The following MUC6 variants were observed in gnomAD, a reference collection of about 807,000 sequenced individuals.
The protein encoded by MUC6 is mucin 6, oligomeric mucus/gel-forming (gene/pseudogene), also known as mucin-6.
Under a neutral mutation model 201.5 loss-of-function variants are expected in MUC6, and 188 were observed. The ratio of observed to expected loss-of-function variants is 0.93; its 90% CI spans 0.83 to 1.05. The LOEUF is 1.05. Among genes scored for constraint, MUC6 ranks in the 50% least tolerant of loss-of-function variants. The pLI is 0.00. For missense variants in MUC6, 2,706 were observed against 3,256.9 expected (o/e 0.83, Z 4.12); for synonymous variants, 1,228 against 1,389.4 (o/e 0.88, Z 2.58).
intron 24 of MUC6, among the ~76,000 whole-genome samples, chr11:1,024,397 C>T (rs917692473): frequency 1.3e-5 from 2 of 152,240 alleles, no homozygotes; most frequent in African/African-American, 2.4e-5. Context: ...GCTCCCCCCA[C>T]GTCACGCTCA....
chr11:1,030,012 G>C (rs553837912), intron 8 of MUC6, among the ~76,000 whole-genome samples: 14 of 152,336 alleles, frequency 9.2e-5, no homozygotes, highest in African/African-American at 3.4e-4. Flanking sequence ...GGTTTGCAGG[G>C]GTGGCCGTGG....
chr11:1,015,625 G>T, intron 31 of MUC6, 137 bp downstream of exon 31: 1 of 1,380,070 alleles, frequency 7.2e-7, no homozygotes, highest in Non-Finnish European at 9.5e-7. Flanking sequence ...ACGCCTGGCA[G>T]GTGTGTAGGG....
At chr11:1,028,097 C>T in intron 14 of MUC6, 38 bp from the exon 15 acceptor site, 1 of 1,550,870 alleles carries the variant, frequency 6.4e-7, no homozygotes, top group South Asian at 1.2e-5. Flanking sequence ...CCCGGCCCCT[C>T]CCATTCCAGC....
rs1856761278 is a variant in MUC6 at position 1,019,497 on chromosome 11, C to T, written c.3809-1G>A. The T allele has an allele frequency of 6.2e-7, 1 of 1,612,812 alleles. No homozygotes were observed. The highest frequency in any genetic ancestry group is 1.1e-5 in the South Asian group (1 of 91,012). ...ACGGCCGTGGTTGGTCTAGGTGGTTCTGCAGAGGACAGCCGCCCGGAACAT... is the reference window on the plus strand; with the variant it reads ...ACGGCCGTGGTTGGTCTAGGTGGTTTTGCAGAGGACAGCCGCCCGGAACAT... On this transcript the variant is annotated splice_acceptor_variant, in intron 29 of 32. Coordinates refer to ENST00000421673, the MANE Select transcript of MUC6 (RefSeq NM_005961.3). LOFTEE classifies it high-confidence loss of function.
At position 1,020,083 on chromosome 11, in the gene MUC6, T is replaced by G; in HGVS notation, c.3808+7A>C. 4 of 1,613,108 alleles carry G rather than the reference T, an allele frequency of 2.5e-6. No homozygotes were observed. Among genetic ancestry groups the G allele is most frequent in the Non-Finnish European group, 3.4e-6 (4 of 1,179,722 alleles). On this transcript the variant is annotated splice_region_variant and intron_variant, in intron 29 of 32. Coordinates refer to ENST00000421673, the MANE Select transcript of MUC6 (RefSeq NM_005961.3). ...CCTCTCCATGGGCTCAGCTGGAGGC[T>G]CCTTACCTCCCGAGGAGGCTGTGGG...
Position 1,031,031 on chromosome 11 carries a change from A to G in MUC6, c.600T>C (p.Phe200=), listed in dbSNP as rs1384569109. 1 of 1,575,960 alleles carries G rather than the reference A, an allele frequency of 6.3e-7. No homozygotes were observed. The highest frequency in any genetic ancestry group is 1.2e-5 in the South Asian group (1 of 85,738). ...GGTCGTCCAGCTTCTGGAGGGCAGCAAACTTGTGGGGTTCCAGGAACTTGC... is the reference window on the plus strand; with the variant it reads ...GGTCGTCCAGCTTCTGGAGGGCAGCGAACTTGTGGGGTTCCAGGAACTTGC... The part of the protein sequence containing the change: ...EEGKFLEPHK[F]AALQKLDDPG... Residue 200 remains phenylalanine (F), a synonymous_variant, in exon 6 of 33, where the codon TTT becomes TTC. Coordinates refer to ENST00000421673, the MANE Select transcript of MUC6 (RefSeq NM_005961.3).
intron 9 of MUC6, 27 bp from the exon 10 acceptor site, chr11:1,029,393 A>T (rs975301375): frequency 1.9e-6 from 3 of 1,594,206 alleles, no homozygotes; most frequent in Non-Finnish European, 2.6e-6. Context: ...GGGTAGCGGC[A>T]TGGTGGGCAG....
chr11:1,027,452 A>T lies in MUC6; in HGVS notation c.2047T>A (p.Ser683Thr), dbSNP rs776890669. Residue 683 changes from serine (S) to threonine (T), a missense_variant, in exon 17 of 33, where the codon TCG becomes ACG. Ser to Thr is a moderately conservative substitution (Grantham distance 58). This residue lies in a region of MUC6 where 1,850 missense variants were observed against 1,958.3 expected (regional missense o/e 0.94). Coordinates refer to ENST00000421673, the MANE Select transcript of MUC6 (RefSeq NM_005961.3). ...NSQACERTCLSLSDRATECHH... is the reference protein window; with the variant it reads ...NSQACERTCLTLSDRATECHH... ...CACTCGGTGGCACGGTCCGACAGCG[A>T]CAGGCAGGTGCGCTCACAGGCTTGG... The T allele has an allele frequency of 6.2e-7, 1 of 1,612,750 alleles. No individual in the cohort carries two copies. The highest frequency in any genetic ancestry group is 8.5e-7 in the Non-Finnish European group (1 of 1,179,824).
chr11:1,030,366 T>TGGCCCCCCCCCCCCCCCCCCC, intron 7 of MUC6, 31 bp from the exon 8 acceptor site: 5 of 1,489,582 alleles, frequency 3.4e-6, no homozygotes, highest in East Asian at 5.1e-5. Context: ...GGTGAGAGGG[T>TGGCCCCCCCCCCCCCCCCCCC]CCCACCCCCC....
intron 32 of MUC6, 93 bp downstream of exon 32, chr11:1,013,806 A>G (rs1856535967): frequency 1.4e-6 from 2 of 1,421,818 alleles, no homozygotes; most frequent in South Asian, 2.4e-5. Context: ...CTGATGGGGC[A>G]GCAGGCGCCT....
At chr11:1,031,583 C>T in intron 4 of MUC6, 24 bp downstream of exon 4, 2 of 1,544,098 alleles carry the variant, frequency 1.3e-6, no homozygotes, top group Non-Finnish European at 1.7e-6. Flanking sequence ...GTCTCCAGGC[C>T]CACCCTGGCC....
intron 10 of MUC6, 28 bp from the exon 11 acceptor site, chr11:1,029,178 G>T (rs1181193553): frequency 1.9e-6 from 3 of 1,606,978 alleles, no homozygotes; most frequent in Admixed American, 1.7e-5. Flanking sequence ...TCAGACACGG[G>T]TGGGGTCACC....
chr11:1,036,077 G>A (rs1467154179), intron 1 of MUC6, among the ~76,000 whole-genome samples: 1 of 152,072 alleles, frequency 6.6e-6, no homozygotes, highest in African/African-American at 2.4e-5. Flanking sequence ...CGGCGGTTCT[G>A]AGCCCAGGAT....
At chr11:1,027,583 C>G in intron 16 of MUC6, 66 bp from the exon 17 acceptor site, 1 of 1,599,044 alleles carries the variant, frequency 6.3e-7, no homozygotes, top group South Asian at 1.1e-5. Context: ...TCGGGTTCCC[C>G]TGCCTGCCGG....
chr11:1,029,041 C>A lies in MUC6; in HGVS notation c.1380+5G>T. ...TGGCAGGGATGGGCGCAGGAAAGGC[C>A]TTACCTGCCTGGAGAGGTAGACCAC... On this transcript the variant is annotated splice_donor_5th_base_variant and intron_variant, in intron 11 of 32. Transcript: ENST00000421673. The A allele has an allele frequency of 2.5e-6, 4 of 1,612,866 alleles. No homozygotes were observed. The highest frequency in any genetic ancestry group is 3.4e-6 in the Non-Finnish European group (4 of 1,179,816).
intron 31 of MUC6, 87 bp downstream of exon 31, chr11:1,015,675 C>A: frequency 6.7e-7 from 1 of 1,485,092 alleles, no homozygotes; most frequent in East Asian, 2.3e-5. Flanking sequence ...ATCACAGGAC[C>A]ATGAGGGGTA....
At position 1,029,414 on chromosome 11, in the gene MUC6, G is replaced by A. The variant is rs1055183706; in HGVS notation, c.1137-48C>T. On this transcript the variant is annotated intron_variant, in intron 9 of 32. Transcript: ENST00000421673. ...CGGCATGGTGGGCAGGGCCGCTGGA[G>A]CCAGACAGCACACCCCTGCCTGCCC... 2.5e-6 allele frequency: 4 copies of A among 1,595,738 alleles called. No individual in the cohort carries two copies. The African/African-American group carries it at 5.4e-5, about 21-fold the overall frequency.
chr11:1,031,784 G>A, intron 3 of MUC6, 29 bp downstream of exon 3: 1 of 1,562,580 alleles, frequency 6.4e-7, no homozygotes, highest in Non-Finnish European at 8.7e-7. Flanking sequence ...CGGCCCCCGA[G>A]CCCCCGGGCC....
At position 1,013,105 on chromosome 11, in the gene MUC6, A is replaced by G. The variant is rs747788967; in HGVS notation, c.*351T>C. Reference sequence around the variant, plus strand: ...GGTCGAGCGCCTGCTCTGTGGCTTCATCTGCAGGGTTCTGGGCCCAGCAGG... The same window carrying G: ...GGTCGAGCGCCTGCTCTGTGGCTTCGTCTGCAGGGTTCTGGGCCCAGCAGG... On this transcript the variant is annotated 3_prime_UTR_variant, in exon 33 of 33. Transcript: ENST00000421673. 1.6e-5 allele frequency: 5 copies of G among 309,792 alleles called. No homozygotes were observed. The highest frequency in any genetic ancestry group is 2.4e-5 in the Non-Finnish European group (4 of 167,202). 19.2% of individuals were successfully genotyped at this position (309,792 alleles called of 1,614,324 possible).
Sources: gnomAD v4.1 joint callset for allele counts (sites outside exome capture counted in the v4.1 genomes callset) on GRCh38, gnomAD v4.1.1 for gene constraint, gnomAD v4.1.1 regional missense constraint, MANE v1.5 for transcripts, NCBI Gene and HGNC (gene_info 2026-07-23, HGNC 2026-07-21) for gene names.